Variants in TENM3 observed in about 807,000 individuals in gnomAD.
TENM3 encodes teneurin-3.
Under a neutral mutation model 255.1 loss-of-function variants are expected in TENM3, and 63 were observed. The ratio of observed to expected loss-of-function variants is 0.25; its 90% CI spans 0.20 to 0.30. The LOEUF (loss-of-function observed/expected upper bound fraction) is 0.30. Ranked by LOEUF, TENM3 falls within the 10% of genes least tolerant of loss-of-function variation. The pLI, the probability that TENM3 is intolerant of heterozygous loss-of-function variation, is 1.00. For missense variants in TENM3, 2,929 were observed against 3,461.1 expected (o/e 0.85, Z 3.86); for synonymous variants, 1,306 against 1,322.3 (o/e 0.99, Z 0.27).
the TENM3 span, among the ~76,000 whole-genome samples, chr4:181,859,945 A>T: frequency 6.6e-6 from 1 of 152,188 alleles, no homozygotes; most frequent in Non-Finnish European, 1.5e-5. Flanking sequence ...CTTAAGAAAG[A>T]ATGACATGTA....
chr4:181,938,287 A>G, the TENM3 span, among the ~76,000 whole-genome samples: 2 of 152,238 alleles, frequency 1.3e-5, no homozygotes, highest in Non-Finnish European at 2.9e-5. Context: ...ATAATACTCC[A>G]GAAAATCGTA....
the TENM3 span, among the ~76,000 whole-genome samples, chr4:181,582,047 C>T: frequency 5.3e-5 from 8 of 152,308 alleles, no homozygotes; most frequent in Admixed American, 1.3e-4. Context: ...CTTACATTTA[C>T]TTCTGTCAAG....
the TENM3 span, among the ~76,000 whole-genome samples, chr4:181,798,214 C>T: frequency 3.3e-5 from 5 of 151,956 alleles, no homozygotes; most frequent in Non-Finnish European, 7.4e-5. Context: ...ATTTTACAAA[C>T]GAGGGAACTG....
At chr4:182,658,899 G>C (rs1362500062) in intron 6 of TENM3, among the ~76,000 whole-genome samples, 1 of 152,188 alleles carries the variant, frequency 6.6e-6, no homozygotes, top group Non-Finnish European at 1.5e-5. Flanking sequence ...TGTGGCTTGG[G>C]CCTCTTAGAA....
chr4:181,888,542 ATATATATG>A, the TENM3 span, among the ~76,000 whole-genome samples: 2 of 117,664 alleles, frequency 1.7e-5, no homozygotes, highest in African/African-American at 6.5e-5. Flanking sequence ...ATGTGTATAT[ATATATATG>A]TATATATATA....
At chr4:181,839,371 A>G in the TENM3 span, among the ~76,000 whole-genome samples, 5 of 49,806 alleles carry the variant, frequency 1.0e-4, no homozygotes, top group African/African-American at 2.9e-4. Flanking sequence ...ATATATATAT[A>G]TATATATATA....
chr4:182,748,403 C>G (rs146828060), intron 19 of TENM3, among the ~76,000 whole-genome samples: 3 of 152,258 alleles, frequency 2.0e-5, no homozygotes, highest in African/African-American at 7.2e-5. Flanking sequence ...GGTAGCCTCA[C>G]GTTTTCACAG....
chr4:182,061,289 G>A, the TENM3 span, among the ~76,000 whole-genome samples: 2 of 152,092 alleles, frequency 1.3e-5, no homozygotes, highest in Non-Finnish European at 2.9e-5. Context: ...TTTCAGCAGA[G>A]TTCGCATGAC....
the TENM3 span, among the ~76,000 whole-genome samples, chr4:182,113,353 G>C: frequency 3.3e-5 from 5 of 151,150 alleles, no homozygotes; most frequent in Non-Finnish European, 7.4e-5. Flanking sequence ...ATTGAAATGC[G>C]TCTACAAAGA....
the TENM3 span, among the ~76,000 whole-genome samples, chr4:181,973,132 C>T: frequency 6.6e-6 from 1 of 152,186 alleles, no homozygotes; most frequent in Non-Finnish European, 1.5e-5. Flanking sequence ...AAAAACCTGA[C>T]ATCATTGAAA....
At chr4:182,767,901 G>A (rs1197231183) in intron 22 of TENM3, among the ~76,000 whole-genome samples, 1 of 152,204 alleles carries the variant, frequency 6.6e-6, no homozygotes, top group Non-Finnish European at 1.5e-5. Flanking sequence ...TGTCTTGCCT[G>A]CCCAGAACAG....
At chr4:182,448,992 A>G (rs1174400357) in intron 3 of TENM3, 10 of 399,708 alleles carry the variant, frequency 2.5e-5, no homozygotes, top group Admixed American at 1.1e-4. Context: ...GCCCGGAGCC[A>G]GGCGCTGTAA....
Position 182,789,511 on chromosome 4 carries a change from G to A in TENM3, c.5601+122G>A, listed in dbSNP as rs1765939559. On this transcript the variant is annotated intron_variant, in intron 25 of 27. Coordinates refer to ENST00000511685, the MANE Select transcript of TENM3 (RefSeq NM_001080477.4). This position sits in a 1 kb window ranked among gnomAD's most constrained non-coding sequence, Gnocchi z 4.4. ...GACTGAGTTCCATTTGTTATTCGAA[G>A]TATCAATACGGAAGTCACATTGGCA... is the stretch of plus-strand genomic sequence containing the variant. 2 of 942,560 alleles carry A rather than the reference G, an allele frequency of 2.1e-6. No individual in the cohort carries two copies. The highest frequency in any genetic ancestry group is 3.1e-6 in the Non-Finnish European group (2 of 637,738). The allele number at this position is 942,560 out of a possible 1,614,324, so 58.4% of individuals were successfully genotyped here.
chr4:182,526,751 T>A (rs1293879701), intron 3 of TENM3, among the ~76,000 whole-genome samples: 1 of 152,228 alleles, frequency 6.6e-6, no homozygotes, highest in Non-Finnish European at 1.5e-5. Context: ...CTTAACTATT[T>A]TACTTGCTAA....
the TENM3 span, among the ~76,000 whole-genome samples, chr4:181,726,715 C>G: frequency 2.0e-5 from 3 of 152,144 alleles, no homozygotes; most frequent in Non-Finnish European, 4.4e-5. Flanking sequence ...TAATTCAGTT[C>G]AATTCTGCCA....
chr4:181,653,919 C>G, the TENM3 span, among the ~76,000 whole-genome samples: 6 of 151,840 alleles, frequency 4.0e-5, 1 homozygote, highest in East Asian at 1.2e-3. Flanking sequence ...TGTGTCCATG[C>G]GTTCTCACAG....
chr4:182,023,086 A>T, the TENM3 span, among the ~76,000 whole-genome samples: 15 of 152,336 alleles, frequency 9.8e-5, no homozygotes, highest in African/African-American at 2.9e-4. Context: ...GGTCAACAAG[A>T]CGGGGTTGGT....
the TENM3 span, among the ~76,000 whole-genome samples, chr4:182,111,189 C>CTTTTT: frequency 0.018 from 1,417 of 80,286 alleles, 55 homozygotes; most frequent in African/African-American, 0.051. Context: ...GTCTTCTTCT[C>CTTTTT]TTTTTTTTTT....
the TENM3 span, among the ~76,000 whole-genome samples, chr4:181,602,298 C>T: frequency 6.6e-6 from 1 of 152,166 alleles, no homozygotes; most frequent in African/African-American, 2.4e-5. Context: ...ACCCAGCAAG[C>T]TTTGTCCTCA....
Sources: allele counts gnomAD v4.1 joint callset (sites outside exome capture counted in the v4.1 genomes callset), GRCh38; gene constraint gnomAD v4.1.1; non-coding constraint Gnocchi (gnomAD v3.1); transcripts MANE v1.5; gene names NCBI Gene and HGNC (gene_info 2026-07-23, HGNC 2026-07-21).